Variants in CTNNA3 observed in about 807,000 individuals in gnomAD.
CTNNA3 encodes catenin alpha-3.
Under a neutral mutation model 95.7 loss-of-function variants are expected in CTNNA3, and 76 were observed. The ratio of observed to expected loss-of-function variants is 0.79; its 90% confidence interval spans 0.66 to 0.96. CTNNA3 has a LOEUF of 0.96. Among genes scored for constraint, CTNNA3 ranks in the 40% least tolerant of loss-of-function variants. The pLI is 0.00. For synonymous variants in CTNNA3, 431 were observed against 374.4 expected, an observed-to-expected ratio of 1.15 and a Z score of -1.74; for missense variants, 1,191 against 1,089.8, an observed-to-expected ratio of 1.09 and a Z score of -1.31.
chr10:67,762,627 A>G lies in CTNNA3; in HGVS notation c.-2+807T>C, dbSNP rs78032252. ...GTAAGGTTAAATTCTAAGTTATCTC[A>G]GGGTATAGGTAAGGGAGGAGACCAC... On this transcript the variant is annotated intron_variant, in intron 1 of 17. Transcript: ENST00000684154. 5.8e-3 allele frequency among the ~76,000 whole-genome samples: 883 copies of G among 152,304 alleles called. 20 individuals are homozygous for G. In the East Asian group the frequency reaches 0.074, roughly 13 times the overall value.
At chr10:67,513,471 GCACCCA>G (rs1839707059) in intron 5 of CTNNA3, among the ~76,000 whole-genome samples, 1 of 152,186 alleles carries the variant, frequency 6.6e-6, no homozygotes, top group Admixed American at 6.5e-5. Context: ...AGAGAAGACT[GCACCCA>G]CATCTTTTAT....
At chr10:67,001,625 A>G (rs1379049229) in intron 7 of CTNNA3, among the ~76,000 whole-genome samples, 2 of 152,172 alleles carry the variant, frequency 1.3e-5, no homozygotes, top group Admixed American at 1.3e-4. Context: ...TTTAATACTC[A>G]AAAAGAATAA....
At chr10:66,750,923 C>G (rs1839107061) in intron 9 of CTNNA3, among the ~76,000 whole-genome samples, 1 of 151,930 alleles carries the variant, frequency 6.6e-6, no homozygotes, top group African/African-American at 2.4e-5. Flanking sequence ...AAATTTATAC[C>G]TAAGTATTTC....
intron 7 of CTNNA3, among the ~76,000 whole-genome samples, chr10:67,052,971 G>T (rs1369018373): frequency 2.0e-5 from 3 of 152,232 alleles, no homozygotes; most frequent in African/African-American, 4.8e-5. Context: ...TATGTTCATT[G>T]TACTTACACT....
chr10:66,068,068 C>A (rs1484734806), intron 15 of CTNNA3, among the ~76,000 whole-genome samples: 1 of 152,086 alleles, frequency 6.6e-6, no homozygotes, highest in Non-Finnish European at 1.5e-5. Context: ...AGGCTTATGT[C>A]ATTAGATTTT....
chr10:66,009,506 T>C (rs1283884461), intron 15 of CTNNA3, among the ~76,000 whole-genome samples: 2 of 150,778 alleles, frequency 1.3e-5, no homozygotes. Context: ...GCTACAATGT[T>C]TACGTTTTAG....
intron 7 of CTNNA3, among the ~76,000 whole-genome samples, chr10:67,145,203 C>T (rs1450867427): frequency 6.6e-6 from 1 of 152,084 alleles, no homozygotes; most frequent in East Asian, 1.9e-4. Context: ...GATCACTGGT[C>T]ACAGAACACC....
chr10:66,822,414 A>G (rs2132295261), intron 7 of CTNNA3, among the ~76,000 whole-genome samples: 2 of 152,280 alleles, frequency 1.3e-5, no homozygotes, highest in East Asian at 3.9e-4. Context: ...GTGACTAACC[A>G]CTATTCCTGA....
At chr10:67,398,457 C>A (rs1267405073) in intron 5 of CTNNA3, among the ~76,000 whole-genome samples, 1 of 152,178 alleles carries the variant, frequency 6.6e-6, no homozygotes, top group Admixed American at 6.5e-5. Context: ...TAGGAAGTAA[C>A]TAACTTGCTT....
rs527337277 is a variant in CTNNA3 at position 67,030,753 on chromosome 10, C to T, written c.1047+149564G>A. 2.6e-5 allele frequency among the ~76,000 whole-genome samples: 4 copies of T among 152,224 alleles called. No homozygotes were observed. The East Asian group carries it at 7.7e-4, about 29-fold the overall frequency. Reference sequence around the variant, plus strand: ...AGATGCGGTGGCTCACGCCTGTGATCCCAGCACTTTGGGAGGCCGAGGTGG... The same window carrying T: ...AGATGCGGTGGCTCACGCCTGTGATTCCAGCACTTTGGGAGGCCGAGGTGG... On this transcript the variant is annotated intron_variant, in intron 7 of 17. Coordinates refer to ENST00000433211, the MANE Select transcript of CTNNA3 (RefSeq NM_013266.4).
chr10:66,010,962 G>A (rs2078994806), intron 15 of CTNNA3, among the ~76,000 whole-genome samples: 2 of 152,188 alleles, frequency 1.3e-5, no homozygotes, highest in African/African-American at 4.8e-5. Context: ...TCTTGCTGCG[G>A]TTTCTACTTT....
intron 7 of CTNNA3, among the ~76,000 whole-genome samples, chr10:66,976,469 A>G (rs908225141): frequency 6.6e-6 from 1 of 152,088 alleles, no homozygotes; most frequent in Non-Finnish European, 1.5e-5. Context: ...CTCTTTTTCT[A>G]TAGATTACTC....
intron 5 of CTNNA3, among the ~76,000 whole-genome samples, chr10:67,375,434 T>C (rs1843648913): frequency 6.6e-6 from 1 of 152,000 alleles, no homozygotes; most frequent in Non-Finnish European, 1.5e-5. Flanking sequence ...GGCGAAACCC[T>C]GTCTCTGCTA....
chr10:67,564,717 A>ATATATATATATATATC (rs1841693152), intron 3 of CTNNA3, among the ~76,000 whole-genome samples: 3 of 83,598 alleles, frequency 3.6e-5, no homozygotes, highest in Non-Finnish European at 7.4e-5. Flanking sequence ...ATATATATAT[A>ATATATATATATATATC]TCACTATGAT....
At chr10:66,533,604 A>G (rs1274605614) in intron 10 of CTNNA3, among the ~76,000 whole-genome samples, 1 of 152,018 alleles carries the variant, frequency 6.6e-6, no homozygotes, top group East Asian at 1.9e-4. Context: ...TCTTTATGTT[A>G]TTTTCCCAGG....
intron 15 of CTNNA3, among the ~76,000 whole-genome samples, chr10:66,048,601 A>T (rs924331270): frequency 6.6e-6 from 1 of 152,110 alleles, no homozygotes; most frequent in South Asian, 2.1e-4. Flanking sequence ...TCTACTAAAA[A>T]TACAAAAAAA....
At chr10:67,679,727 T>C (rs1840592679) in intron 1 of CTNNA3, among the ~76,000 whole-genome samples, 1 of 152,228 alleles carries the variant, frequency 6.6e-6, no homozygotes, top group Non-Finnish European at 1.5e-5. Context: ...TTTAAATCTT[T>C]TGTGAAATTT....
At chr10:65,925,042 T>C (rs944110668) in intron 17 of CTNNA3, among the ~76,000 whole-genome samples, 4 of 152,164 alleles carry the variant, frequency 2.6e-5, no homozygotes, top group African/African-American at 9.7e-5. Context: ...CAAGATGAGT[T>C]TTGGGTAGGG....
rs1216296611 is a variant in CTNNA3, at chr10:66,063,390, TC to T, written c.2159+5917del. On this transcript the variant is annotated intron_variant, in intron 15 of 17. Coordinates refer to ENST00000433211, the MANE Select transcript of CTNNA3 (RefSeq NM_013266.4). Reference sequence around the variant, plus strand: ...TCTGCTTCTCTATCAAAGTTGTCACTCCATGTTTGTCTTCTGAAGGCTTCTC... The same window carrying T: ...TCTGCTTCTCTATCAAAGTTGTCACTCATGTTTGTCTTCTGAAGGCTTCTC... Among the ~76,000 whole-genome samples the T allele has an allele frequency of 1.1e-4, 16 of 150,764 alleles. No individual in the cohort carries two copies. The East Asian group carries it at 2.9e-3, about 27-fold the overall frequency.
Sources: gnomAD v4.1 joint callset for allele counts (sites outside exome capture counted in the v4.1 genomes callset) on GRCh38, gnomAD v4.1.1 for gene constraint, MANE v1.5 for transcripts, NCBI Gene and HGNC (gene_info 2026-07-23, HGNC 2026-07-21) for gene names.